MARCHF1: variants seen among roughly 807,000 people sequenced by gnomAD.
MARCHF1 encodes the protein E3 ubiquitin-protein ligase MARCHF1.
In MARCHF1, 40 loss-of-function variants were observed where a neutral mutation model predicts 54.2. That is an observed-to-expected ratio of 0.74 (90% confidence interval 0.57 to 0.96). The LOEUF (loss-of-function observed/expected upper bound fraction) is 0.96. MARCHF1 is among the 40% of genes least tolerant of loss of function. MARCHF1 has a pLI of 0.00. For missense variants in MARCHF1, 586 were observed against 656.5 expected, an observed-to-expected ratio of 0.89 and a Z score of 1.17; for synonymous variants, 236 against 236.3, an observed-to-expected ratio of 1.00 and a Z score of 0.01.
At chr4:164,328,532 A>ATT (rs940488215) in intron 1 of MARCHF1, among the ~76,000 whole-genome samples, 2 of 145,860 alleles carry the variant, frequency 1.4e-5, no homozygotes, top group Non-Finnish European at 3.0e-5. Flanking sequence ...GTCATATGAA[A>ATT]TTTTTTTTTT....
intron 2 of MARCHF1, among the ~76,000 whole-genome samples, chr4:164,050,139 A>C (rs1464713475): frequency 6.6e-6 from 1 of 151,688 alleles, no homozygotes; most frequent in Non-Finnish European, 1.5e-5. Flanking sequence ...GCCCGGTGTC[A>C]TGGTGGGTGC....
At chr4:163,835,803 A>G (rs1393840022) in intron 4 of MARCHF1, among the ~76,000 whole-genome samples, 2 of 152,236 alleles carry the variant, frequency 1.3e-5, no homozygotes, top group Non-Finnish European at 2.9e-5. Flanking sequence ...AGAATTTCAC[A>G]TGCATTTTAC....
intron 1 of MARCHF1, among the ~76,000 whole-genome samples, chr4:164,301,766 G>C (rs1734567192): frequency 6.6e-6 from 1 of 152,188 alleles, no homozygotes; most frequent in African/African-American, 2.4e-5. Flanking sequence ...AATGGAATAA[G>C]AGTGTATCAA....
intron 5 of MARCHF1, among the ~76,000 whole-genome samples, chr4:163,641,015 C>A (rs1742533200): frequency 6.6e-6 from 1 of 150,776 alleles, no homozygotes; most frequent in Non-Finnish European, 1.5e-5. Flanking sequence ...CTTATAAATT[C>A]TGTTTTTTTA....
In MARCHF1 at chr4:164,257,952, C is replaced by T. The variant is rs571286089; in HGVS notation, c.-323+125918G>A. 4.1e-4 allele frequency among the ~76,000 whole-genome samples: 63 copies of T among 152,256 alleles called. No homozygotes were observed. In the South Asian group the frequency reaches 6.8e-3, roughly 17 times the overall value. ...ATTCTATTATAAAGACACATGCACA[C>T]GTATGTTTATTGCAGCACTGTTCAC... On this transcript the variant is annotated intron_variant, in intron 1 of 9. Transcript: ENST00000514618.
intron 1 of MARCHF1, among the ~76,000 whole-genome samples, chr4:164,160,034 T>A (rs1477038940): frequency 1.4e-5 from 2 of 147,772 alleles, no homozygotes; most frequent in African/African-American, 5.3e-5. Context: ...AATATTGTAC[T>A]TCAGACAGAC....
chr4:163,663,092 T>C (rs1272474147), intron 5 of MARCHF1, among the ~76,000 whole-genome samples: 1 of 152,104 alleles, frequency 6.6e-6, no homozygotes, highest in African/African-American at 2.4e-5. Flanking sequence ...CTCAGAGAAT[T>C]TGTTTTTTCT....
chr4:163,994,595 G>T (rs1314304934), intron 2 of MARCHF1, among the ~76,000 whole-genome samples: 4 of 151,744 alleles, frequency 2.6e-5, no homozygotes, highest in Non-Finnish European at 4.4e-5. Context: ...AAAAAAGAAA[G>T]AAGTAGTAGT....
chr4:164,070,867 C>A (rs1204760033), intron 2 of MARCHF1, among the ~76,000 whole-genome samples: 1 of 152,124 alleles, frequency 6.6e-6, no homozygotes, highest in Non-Finnish European at 1.5e-5. Context: ...CCAAGAAGTC[C>A]CACAAGTTGT....
intron 3 of MARCHF1, among the ~76,000 whole-genome samples, chr4:163,945,678 G>A (rs944060933): frequency 1.3e-5 from 2 of 152,066 alleles, no homozygotes; most frequent in Non-Finnish European, 2.9e-5. Flanking sequence ...TTTCCTCTGT[G>A]CACACCTAAT....
chr4:163,944,337 T>C (rs149883137), intron 3 of MARCHF1, among the ~76,000 whole-genome samples: 2 of 152,236 alleles, frequency 1.3e-5, no homozygotes, highest in African/African-American at 4.8e-5. Flanking sequence ...GTGTGGTCAG[T>C]AGATAAGACT....
At chr4:164,033,787 G>C (rs138103519) in intron 2 of MARCHF1, among the ~76,000 whole-genome samples, 1 of 152,132 alleles carries the variant, frequency 6.6e-6, no homozygotes, top group Non-Finnish European at 1.5e-5. Context: ...ATGCTGGTGA[G>C]GCTGTGGAGA....
At chr4:163,932,342 A>G (rs1560825032) in intron 3 of MARCHF1, among the ~76,000 whole-genome samples, 1 of 152,242 alleles carries the variant, frequency 6.6e-6, no homozygotes, top group Non-Finnish European at 1.5e-5. Flanking sequence ...ACTATTTGAT[A>G]GCATTTTACC....
intron 1 of MARCHF1, among the ~76,000 whole-genome samples, chr4:164,349,360 C>G (rs1281753402): frequency 6.6e-6 from 1 of 152,180 alleles, no homozygotes; most frequent in African/African-American, 2.4e-5. Flanking sequence ...CCTCTCATCT[C>G]CAACAGTATT....
chr4:163,716,917 T>C (rs577997791), intron 4 of MARCHF1, among the ~76,000 whole-genome samples: 76 of 152,326 alleles, frequency 5.0e-4, no homozygotes, highest in South Asian at 8.3e-4. Flanking sequence ...ATAATACATA[T>C]TAATTTTTTA....
At chr4:163,718,410 A>T (rs202041568) in intron 4 of MARCHF1, among the ~76,000 whole-genome samples, 3 of 152,368 alleles carry the variant, frequency 2.0e-5, no homozygotes, top group East Asian at 3.9e-4. Context: ...CGCATCTGAC[A>T]AAGGGCTAAT....
chr4:163,556,504 T>G (rs2110959857), intron 8 of MARCHF1, among the ~76,000 whole-genome samples: 1 of 152,274 alleles, frequency 6.6e-6, no homozygotes, highest in East Asian at 1.9e-4. Flanking sequence ...TTTGCACTCT[T>G]TAATAGCAGT....
intron 3 of MARCHF1, among the ~76,000 whole-genome samples, chr4:163,923,334 C>T (rs1313514323): frequency 6.6e-6 from 1 of 152,006 alleles, no homozygotes; most frequent in Non-Finnish European, 1.5e-5. Flanking sequence ...TGAGTATCAC[C>T]ACCTTCTTTT....
intron 1 of MARCHF1, among the ~76,000 whole-genome samples, chr4:164,270,127 C>G (rs1472079056): frequency 1.3e-5 from 2 of 152,182 alleles, no homozygotes; most frequent in African/African-American, 4.8e-5. Context: ...GTCTGATCTT[C>G]TCATCTTCCC....
Sources: allele counts gnomAD v4.1 joint callset (sites outside exome capture counted in the v4.1 genomes callset), GRCh38; gene constraint gnomAD v4.1.1; transcripts MANE v1.5; gene names NCBI Gene and HGNC (gene_info 2026-07-23, HGNC 2026-07-21).